ZZZ3: variants seen among roughly 807,000 people sequenced by gnomAD.
ZZZ3 encodes ZZ-type zinc finger-containing protein 3.
Under a neutral mutation model 95.2 loss-of-function variants are expected in ZZZ3, and 22 were observed. The ratio of observed to expected loss-of-function variants is 0.23; its 90% CI spans 0.17 to 0.33. The LOEUF (loss-of-function observed/expected upper bound fraction) is 0.33, where lower values mean the gene tolerates loss of function less well. ZZZ3 is among the 10% of genes least tolerant of loss of function. ZZZ3 has a pLI of 1.00. For synonymous variants in ZZZ3, 335 were observed against 358.9 expected, an observed-to-expected ratio of 0.93 and a Z score of 0.75; for missense variants, 885 against 1,066.5, an observed-to-expected ratio of 0.83 and a Z score of 2.37.
At chr1:77,619,654 T>C (rs1313107845) in intron 5 of ZZZ3, among the ~76,000 whole-genome samples, 1 of 152,152 alleles carries the variant, frequency 6.6e-6, no homozygotes, top group Non-Finnish European at 1.5e-5. Flanking sequence ...TCTGGTATTA[T>C]TAAAAACTGA....
rs749897863 is a variant in ZZZ3, at chr1:77,565,604, G to A, written c.*36C>T. On this transcript the variant is annotated 3_prime_UTR_variant, in exon 15 of 15. Transcript: ENST00000370801. ...ATTAACAATGATACCATTGCTATGT[G>A]TTGAAGAGGACTAGTAAATGATGTT... The A allele has an allele frequency of 6.2e-7, 1 of 1,602,508 alleles. No homozygotes were observed. The highest frequency in any genetic ancestry group is 1.7e-5 in the Admixed American group (1 of 59,014).
At chr1:77,655,087 G>A (rs1419650007) in intron 1 of ZZZ3, among the ~76,000 whole-genome samples, 3 of 152,308 alleles carry the variant, frequency 2.0e-5, no homozygotes, top group Non-Finnish European at 2.9e-5. Context: ...AGAAGGCTGA[G>A]CGTGCTAATG....
rs1662585011 is a variant in ZZZ3 at position 77,582,099 on chromosome 1, T to C, written c.1672A>G (p.Arg558Gly). The C allele has an allele frequency of 6.2e-7, 1 of 1,611,208 alleles. No homozygotes were observed. Among genetic ancestry groups the C allele is most frequent in the Non-Finnish European group, 8.5e-7 (1 of 1,179,102 alleles). Residue 558 changes from arginine to glycine, a missense_variant, in exon 7 of 15, where the codon AGA (arginine) becomes GGA (glycine). Arg to Gly is a moderately radical substitution (Grantham distance 125, BLOSUM62 -2). This residue lies in a region of ZZZ3 where 7 missense variants were observed against 29.4 expected (regional missense o/e 0.24). Transcript: ENST00000370801. ...ACGATCTCAGGCAATTGAACAACTC[T>C]CTGTGGATATGGAAGCCCAATATCA... ...KADIGLPYPQ[R>G]VVQLPEIVWD...
intron 4 of ZZZ3, among the ~76,000 whole-genome samples, chr1:77,638,115 T>C (rs967627363): frequency 6.6e-6 from 1 of 152,196 alleles, no homozygotes; most frequent in Non-Finnish European, 1.5e-5. Flanking sequence ...AAAAAGAGTG[T>C]GGTCAGTAAC....
chr1:77,632,910 T>C lies in ZZZ3; in HGVS notation c.445A>G (p.Thr149Ala). Residue 149 changes from threonine (T) to alanine (A), a missense_variant, in exon 5 of 15, where the codon ACA becomes GCA. Coordinates refer to ENST00000370801, the MANE Select transcript of ZZZ3 (RefSeq NM_015534.6). ...AAATCTGCATCATTGTCCACTACTGTACTCCTCTGTTCTACTGACTCCTTG... is the reference window on the plus strand; with the variant it reads ...AAATCTGCATCATTGTCCACTACTGCACTCCTCTGTTCTACTGACTCCTTG... ...SDKESVEQRS[T>A]VVDNDADFQG... 1.2e-6 allele frequency: 2 copies of C among 1,614,192 alleles called. No individual in the cohort carries two copies. The highest frequency in any genetic ancestry group is 1.7e-6 in the Non-Finnish European group (2 of 1,180,030).
intron 5 of ZZZ3, among the ~76,000 whole-genome samples, chr1:77,606,056 C>T (rs1012822723): frequency 3.3e-5 from 5 of 152,172 alleles, no homozygotes; most frequent in African/African-American, 1.2e-4. Flanking sequence ...CAATTCCAGG[C>T]CTTAGCTCTT....
intron 5 of ZZZ3, among the ~76,000 whole-genome samples, chr1:77,597,669 T>C (rs1393619224): frequency 6.6e-6 from 1 of 151,956 alleles, no homozygotes; most frequent in Non-Finnish European, 1.5e-5. Context: ...ATCAGACAAA[T>C]TCAAATAGAG....
chr1:77,633,624 A>G (rs1414063262), intron 4 of ZZZ3, among the ~76,000 whole-genome samples: 4 of 152,200 alleles, frequency 2.6e-5, no homozygotes, highest in Non-Finnish European at 1.5e-5. Flanking sequence ...AATATGTTCC[A>G]TGAGTCTTTC....
chr1:77,576,248 G>C, intron 11 of ZZZ3, 28 bp from the exon 12 acceptor site: 2 of 1,542,126 alleles, frequency 1.3e-6, no homozygotes, highest in Non-Finnish European at 1.7e-6. Flanking sequence ...TTTTTAATTG[G>C]TTCAGTGAAA....
intron 12 of ZZZ3, among the ~76,000 whole-genome samples, chr1:77,574,106 A>G (rs1034717158): frequency 2.0e-5 from 3 of 148,444 alleles, no homozygotes; most frequent in African/African-American, 7.3e-5. Context: ...ATATATATCT[A>G]TAGATATAGA....
Position 77,638,824 on chromosome 1 carries a change from G to A in ZZZ3, c.-52+625C>T, listed in dbSNP as rs190133466. 2.4e-4 allele frequency among the ~76,000 whole-genome samples: 36 copies of A among 152,146 alleles called. 1 individual carries two copies. Among genetic ancestry groups the A allele is most frequent in the African/African-American group, 8.2e-4 (34 of 41,516 alleles). Reference sequence around the variant, plus strand: ...GTCTAAACATAAACTATTTAATAACGTTGAGGCCATGTTTGTCATATAATT... The same window carrying A: ...GTCTAAACATAAACTATTTAATAACATTGAGGCCATGTTTGTCATATAATT... On this transcript the variant is annotated intron_variant, in intron 4 of 14. Transcript: ENST00000370801.
chr1:77,673,362 TGAG>T (rs1358760406), intron 1 of ZZZ3, among the ~76,000 whole-genome samples: 3 of 152,152 alleles, frequency 2.0e-5, no homozygotes, highest in East Asian at 3.9e-4. Context: ...TTTGGGAGGC[TGAG>T]GAGGGCAGAT....
Position 77,595,651 on chromosome 1 carries a change from A to T in ZZZ3, c.1506-10996T>A, listed in dbSNP as rs992469781. 3.9e-5 allele frequency among the ~76,000 whole-genome samples: 6 copies of T among 152,046 alleles called. No individual in the cohort carries two copies. The South Asian group carries it at 1.2e-3, about 31-fold the overall frequency. On this transcript the variant is annotated intron_variant, in intron 5 of 14. Coordinates refer to ENST00000370801, the MANE Select transcript of ZZZ3 (RefSeq NM_015534.6). ...GTAAAGTGTACCATTCTAATGCAAT[A>T]CGGAGTAAATGTAAGTTTTAAACAA...
At chr1:77,680,903 T>C (rs1253262933) in intron 1 of ZZZ3, among the ~76,000 whole-genome samples, 1 of 152,192 alleles carries the variant, frequency 6.6e-6, no homozygotes, top group Non-Finnish European at 1.5e-5. Flanking sequence ...TTTCTTTCTG[T>C]GCAAAGCTAC....
chr1:77,640,729 A>G (rs758531554), intron 3 of ZZZ3, among the ~76,000 whole-genome samples: 27 of 152,214 alleles, frequency 1.8e-4, no homozygotes, highest in Non-Finnish European at 3.4e-4. Context: ...TCGCTTTATT[A>G]TAAGCATAAA....
chr1:77,567,006 A>G (rs893889648), intron 13 of ZZZ3, among the ~76,000 whole-genome samples: 4 of 152,210 alleles, frequency 2.6e-5, no homozygotes, highest in African/African-American at 9.6e-5. Flanking sequence ...GAAAATCTCT[A>G]TTGGAGAAAC....
intron 12 of ZZZ3, among the ~76,000 whole-genome samples, chr1:77,570,919 C>G (rs1364433819): frequency 1.4e-5 from 2 of 143,118 alleles, no homozygotes; most frequent in African/African-American, 5.2e-5. Context: ...ATTTGCTCAT[C>G]TAGGCCTCAC....
intron 5 of ZZZ3, among the ~76,000 whole-genome samples, chr1:77,608,040 T>TA (rs760038499): frequency 6.6e-6 from 1 of 151,764 alleles, no homozygotes; most frequent in Non-Finnish European, 1.5e-5. Flanking sequence ...AGGGCAAATC[T>TA]AAGAGTTATT....
In ZZZ3 at chr1:77,670,345, C is replaced by T. The variant is rs577592781; in HGVS notation, c.-403+12240G>A. Among the ~76,000 whole-genome samples, 11 of 151,880 alleles carry T rather than the reference C, an allele frequency of 7.2e-5. No individual in the cohort carries two copies. In the South Asian group the frequency reaches 1.9e-3, roughly 26 times the overall value. On this transcript the variant is annotated intron_variant, in intron 1 of 14. Transcript: ENST00000370801. Reference sequence around the variant, plus strand: ...CATGATCTCGGTTCACTGCAACTTCCGCCTCCTGGGTTCAAGCGATTCTCC... The same window carrying T: ...CATGATCTCGGTTCACTGCAACTTCTGCCTCCTGGGTTCAAGCGATTCTCC...
Sources: gnomAD v4.1 joint callset for allele counts (sites outside exome capture counted in the v4.1 genomes callset) on GRCh38, gnomAD v4.1.1 for gene constraint, gnomAD v4.1.1 regional missense constraint, MANE v1.5 for transcripts, NCBI Gene and HGNC (gene_info 2026-07-23, HGNC 2026-07-21) for gene names.